PCDH9: variants seen among roughly 807,000 people sequenced by gnomAD.
The protein encoded by PCDH9 is protocadherin 9, also known as protocadherin-9.
PCDH9 carries 24 observed loss-of-function variants against 70.6 expected under a neutral mutation model. That is an observed-to-expected ratio of 0.34 (90% CI 0.25 to 0.48). PCDH9 has a LOEUF of 0.48. Among genes scored for constraint, PCDH9 ranks in the 20% least tolerant of loss-of-function variants. The probability of loss-of-function intolerance (pLI) is 0.99; values close to 1 mark genes in which losing one functional copy is unlikely to be tolerated. For missense variants in PCDH9, 1,281 were observed against 1,503.6 expected, an observed-to-expected ratio of 0.85 and a Z score of 2.45; for synonymous variants, 562 against 558.5, an observed-to-expected ratio of 1.01 and a Z score of -0.09.
At chr13:66,825,537 G>C (rs1377894866) in intron 3 of PCDH9, among the ~76,000 whole-genome samples, 3 of 150,808 alleles carry the variant, frequency 2.0e-5, no homozygotes, top group Non-Finnish European at 4.4e-5. Context: ...GGGTTTCACC[G>C]TGTTAGCCAG....
chr13:66,520,469 A>G (rs1566387724), intron 4 of PCDH9, among the ~76,000 whole-genome samples: 7 of 152,240 alleles, frequency 4.6e-5, no homozygotes. Context: ...TTCCTGCAGT[A>G]GTTCTGCAGA....
intron 2 of PCDH9, among the ~76,000 whole-genome samples, chr13:67,044,599 A>C (rs569496455): frequency 4.6e-4 from 70 of 152,278 alleles, no homozygotes; most frequent in Non-Finnish European, 6.6e-4. Flanking sequence ...TAATTCTTTC[A>C]ATGGAGTACC....
chr13:66,583,534 T>C (rs1160867369), intron 4 of PCDH9, among the ~76,000 whole-genome samples: 1 of 151,896 alleles, frequency 6.6e-6, no homozygotes, highest in African/African-American at 2.4e-5. Context: ...GCCACTTGAA[T>C]TCCGGCGGGG....
At chr13:66,692,453 G>A (rs1259645361) in intron 3 of PCDH9, among the ~76,000 whole-genome samples, 3 of 151,898 alleles carry the variant, frequency 2.0e-5, no homozygotes, top group African/African-American at 4.8e-5. Context: ...TACAGCTATC[G>A]ATTAAAGTTC....
At chr13:66,335,126 A>G (rs1018997748) in intron 4 of PCDH9, among the ~76,000 whole-genome samples, 71 of 152,224 alleles carry the variant, frequency 4.7e-4, no homozygotes, top group Admixed American at 3.0e-3. Flanking sequence ...AGCATACACT[A>G]CAGAAATCCT....
intron 2 of PCDH9, among the ~76,000 whole-genome samples, chr13:66,995,799 T>C (rs1344742594): frequency 6.6e-6 from 1 of 152,216 alleles, no homozygotes; most frequent in Non-Finnish European, 1.5e-5. Context: ...GAACATATCA[T>C]CTGCATTACT....
In PCDH9 at chr13:66,313,311, C is replaced by T. The variant is rs192778128; in HGVS notation, c.3341-8283G>A. On this transcript the variant is annotated intron_variant, in intron 4 of 4. Transcript: ENST00000377865. ...CATCATTTCTTGTATTAGTATTTCA[C>T]GTTTTTCCTTTCAAAAATTCATTCA... is the stretch of plus-strand genomic sequence containing the variant. 3.3e-5 allele frequency among the ~76,000 whole-genome samples: 5 copies of T among 152,286 alleles called. No homozygotes were observed. The South Asian group carries it at 6.2e-4, about 19-fold the overall frequency.
chr13:66,416,305 G>A (rs1264572049), intron 4 of PCDH9, among the ~76,000 whole-genome samples: 2 of 145,742 alleles, frequency 1.4e-5, no homozygotes. Context: ...TTAGCCCACG[G>A]AAGGAAGCTT....
intron 4 of PCDH9, among the ~76,000 whole-genome samples, chr13:66,597,205 A>T (rs2077114460): frequency 6.6e-6 from 1 of 151,746 alleles, no homozygotes. Context: ...TGATCTGCAG[A>T]CCCAGAGCAA....
chr13:67,086,697 T>C (rs1029423981), intron 2 of PCDH9, among the ~76,000 whole-genome samples: 7 of 152,070 alleles, frequency 4.6e-5, no homozygotes, highest in Non-Finnish European at 1.0e-4. Context: ...GTCATCAATA[T>C]AAAAGAGCAA....
At chr13:66,572,018 G>C (rs75761440) in intron 4 of PCDH9, among the ~76,000 whole-genome samples, 3,538 of 151,950 alleles carry the variant, frequency 0.023, 136 homozygotes, top group African/African-American at 0.08. Context: ...AAAAAGAAAG[G>C]AATATAATTT....
chr13:67,197,292 C>T (rs1052257151), intron 2 of PCDH9, among the ~76,000 whole-genome samples: 26 of 151,850 alleles, frequency 1.7e-4, no homozygotes, highest in Non-Finnish European at 3.7e-4. Flanking sequence ...GTCTTTATCT[C>T]ATTTTTATAT....
At chr13:66,339,822 T>C (rs758782556) in intron 4 of PCDH9, among the ~76,000 whole-genome samples, 17 of 152,160 alleles carry the variant, frequency 1.1e-4, no homozygotes, top group Admixed American at 6.6e-5. Flanking sequence ...ACCTGTGGCT[T>C]CTTCTAGTTC....
chr13:67,056,412 A>G (rs1194333907), intron 2 of PCDH9, among the ~76,000 whole-genome samples: 2 of 152,120 alleles, frequency 1.3e-5, no homozygotes, highest in South Asian at 4.1e-4. Flanking sequence ...TGCATAGTCA[A>G]TTATTACTTA....
At chr13:67,068,618 A>G (rs903069423) in intron 2 of PCDH9, among the ~76,000 whole-genome samples, 1 of 152,214 alleles carries the variant, frequency 6.6e-6, no homozygotes, top group South Asian at 2.1e-4. Flanking sequence ...GGCAAAGTCA[A>G]TAACAGAGCA....
intron 3 of PCDH9, among the ~76,000 whole-genome samples, chr13:66,747,783 G>A (rs1895449929): frequency 6.6e-6 from 1 of 152,078 alleles, no homozygotes; most frequent in Non-Finnish European, 1.5e-5. Flanking sequence ...GCACACATAT[G>A]TATATATAAT....
chr13:66,742,168 G>C (rs1471949583), intron 3 of PCDH9, among the ~76,000 whole-genome samples: 2 of 52,996 alleles, frequency 3.8e-5, no homozygotes, highest in East Asian at 6.3e-4. Flanking sequence ...GAACAGAACA[G>C]AGCCCTCAGA....
rs559454620 is a variant in PCDH9 at position 66,630,306 on chromosome 13, C to T, written c.3340+904G>A. ...CTGCTCCCACACATGCATAGCTTTC[C>T]CCACCATGAACATACCCCACCAGAA... On this transcript the variant is annotated intron_variant, in intron 4 of 4. Transcript: ENST00000377865. Among the ~76,000 whole-genome samples the T allele has an allele frequency of 1.3e-4, 20 of 151,962 alleles. No homozygotes were observed. The South Asian group carries it at 3.3e-3, about 25-fold the overall frequency.
intron 3 of PCDH9, among the ~76,000 whole-genome samples, chr13:66,716,864 A>AGT (rs1469488528): frequency 6.6e-6 from 1 of 152,116 alleles, no homozygotes. Flanking sequence ...GCCAGAACAA[A>AGT]GTGTCCACAT....
Sources: allele counts gnomAD v4.1 joint callset (sites outside exome capture counted in the v4.1 genomes callset), GRCh38; gene constraint gnomAD v4.1.1; transcripts MANE v1.5; gene names NCBI Gene and HGNC (gene_info 2026-07-23, HGNC 2026-07-21).